DCHS2: variants seen among roughly 807,000 people sequenced by gnomAD.
DCHS2 encodes the protein dachsous cadherin-related 2.
A neutral mutation model predicts 182.4 loss-of-function variants in DCHS2; 142 were observed. The observed-to-expected ratio is 0.78, with a 90% CI of 0.68 to 0.89. DCHS2 has a LOEUF of 0.89. DCHS2 is among the 40% of genes least tolerant of loss of function. The pLI, the probability that DCHS2 is intolerant of heterozygous loss-of-function variation, is 0.00. For synonymous variants in DCHS2, 1,740 were observed against 1,663.3 expected (o/e 1.05, Z -1.12); for missense variants, 4,319 against 4,198.6 (o/e 1.03, Z -0.79).
In DCHS2 at chr4:154,235,501, C is replaced by T; in HGVS notation, c.9151G>A (p.Ala3051Thr). 1 of 1,614,090 alleles carries T rather than the reference C, an allele frequency of 6.2e-7. No homozygotes were observed. The highest frequency in any genetic ancestry group is 8.5e-7 in the Non-Finnish European group (1 of 1,179,980). The change falls in exon 20 of 20, where the codon GCC (alanine) becomes ACC (threonine). Residue 3051 changes from alanine to threonine, a missense_variant. Transcript: ENST00000357232. ...RVTRDASVLK[A>T]FQKTDDCSNE... Reference sequence around the variant, plus strand: ...CTGCAGTCGTCAGTTTTCTGGAAGGCTTTGAGCACACTGGCATCCCGGGTC... The same window carrying T: ...CTGCAGTCGTCAGTTTTCTGGAAGGTTTTGAGCACACTGGCATCCCGGGTC...
Position 154,491,686 on chromosome 4 carries a change from G to T in DCHS2, c.-331C>A, listed in dbSNP as rs937355227. On this transcript the variant is annotated 5_prime_UTR_variant, in exon 1 of 20. Transcript: ENST00000357232. ...TGTTCCTTGTTCTACTCGGCTGGTT[G>T]TTCCCCCCTGGTAAAGTCAGGTGCA... is the stretch of plus-strand genomic sequence containing the variant. 1.7e-5 allele frequency: 19 copies of T among 1,150,932 alleles called. No homozygotes were observed. In the African/African-American group the frequency reaches 3.0e-4, roughly 18 times the overall value. 71.3% of individuals were successfully genotyped at this position (1,150,932 alleles called of 1,614,324 possible).
intron 1 of DCHS2, among the ~76,000 whole-genome samples, chr4:154,464,183 A>C (rs148723244): frequency 6.6e-4 from 100 of 152,312 alleles, no homozygotes; most frequent in Non-Finnish European, 1.2e-3. Context: ...GGGACACTGA[A>C]TTCCTATAGA....
chr4:154,259,776 GAAA>G lies in DCHS2; in HGVS notation c.6578-23_6578-21del. 1 of 1,571,948 alleles carries G rather than the reference GAAA, an allele frequency of 6.4e-7. No homozygotes were observed. The highest frequency in any genetic ancestry group is 8.6e-7 in the Non-Finnish European group (1 of 1,165,612). ...GTTGTCCTATTTTTATTTCCAAGGAGAAAAAAAAGAAAATGATGTTGTAGTTAT... is the reference window on the plus strand; with the variant it reads ...GTTGTCCTATTTTTATTTCCAAGGAGAAAAAGAAAATGATGTTGTAGTTAT... On this transcript the variant is annotated intron_variant, in intron 14 of 19. Coordinates refer to ENST00000357232, the MANE Select transcript of DCHS2 (RefSeq NM_001358235.2).
rs1452113005 is a variant in DCHS2, at chr4:154,491,545, C to G, written c.-190G>C. 1 of 1,386,010 alleles carries G rather than the reference C, an allele frequency of 7.2e-7. No homozygotes were observed. The highest frequency in any genetic ancestry group is 9.3e-7 in the Non-Finnish European group (1 of 1,076,746). The allele number at this position is 1,386,010 out of a possible 1,614,324, so 85.9% of individuals were successfully genotyped here. On this transcript the variant is annotated 5_prime_UTR_variant, in exon 1 of 20. Transcript: ENST00000357232. ...GAAAGCGTCCTCTGCCTGCAGCTCA[C>G]GCAGACAGGGAAGTAAGCTCTAGCT...
chr4:154,461,278 C>G (rs897405191), intron 1 of DCHS2, among the ~76,000 whole-genome samples: 3 of 152,104 alleles, frequency 2.0e-5, no homozygotes, highest in Non-Finnish European at 2.9e-5. Context: ...TTCTGTTTTC[C>G]TTCAGTGTCC....
intron 1 of DCHS2, among the ~76,000 whole-genome samples, chr4:154,453,521 C>T (rs1036999328): frequency 3.3e-5 from 5 of 152,166 alleles, no homozygotes; most frequent in South Asian, 4.1e-4. Flanking sequence ...AGCCTCTCCT[C>T]GTCAATGCCT....
intron 10 of DCHS2, among the ~76,000 whole-genome samples, chr4:154,311,524 C>T (rs1032185826): frequency 1.3e-5 from 2 of 152,096 alleles, no homozygotes; most frequent in Admixed American, 6.5e-5. Context: ...CATGAGCCAC[C>T]GTGCCCAGCC....
At chr4:154,430,116 G>A (rs1299009477) in intron 1 of DCHS2, among the ~76,000 whole-genome samples, 1 of 152,190 alleles carries the variant, frequency 6.6e-6, no homozygotes, top group East Asian at 1.9e-4. Context: ...GGACCTAAGT[G>A]AAGAGGCAAG....
chr4:154,274,825 T>C (rs1395222702), intron 13 of DCHS2, among the ~76,000 whole-genome samples: 1 of 151,754 alleles, frequency 6.6e-6, no homozygotes, highest in African/African-American at 2.4e-5. Flanking sequence ...TTTAACTAAC[T>C]TTTTTTTCAA....
At chr4:154,437,730 C>A (rs1055371968) in intron 1 of DCHS2, among the ~76,000 whole-genome samples, 16 of 152,120 alleles carry the variant, frequency 1.1e-4, no homozygotes, top group South Asian at 2.1e-4. Flanking sequence ...TTCAACTTTT[C>A]TCTAAAATAA....
chr4:154,415,268 T>C (rs1337104750), intron 1 of DCHS2, among the ~76,000 whole-genome samples: 1 of 152,244 alleles, frequency 6.6e-6, no homozygotes, highest in African/African-American at 2.4e-5. Context: ...TCTCAAATAT[T>C]GATGAAACAT....
intron 1 of DCHS2, among the ~76,000 whole-genome samples, chr4:154,422,495 A>C (rs1169285518): frequency 6.6e-6 from 1 of 152,066 alleles, no homozygotes; most frequent in Non-Finnish European, 1.5e-5. Flanking sequence ...CTCCTTCTCT[A>C]TCAGAACCCT....
In DCHS2 at chr4:154,335,088, T is replaced by A; in HGVS notation, c.2493A>T (p.Thr831=). 2 of 1,607,260 alleles carry A rather than the reference T, an allele frequency of 1.2e-6. No individual in the cohort carries two copies. Among genetic ancestry groups the A allele is most frequent in the Non-Finnish European group, 1.7e-6 (2 of 1,173,806 alleles). ...TAGATTCCAAATGACTAAGAGGTAA[T>A]GTTAAGTAAATAATTCCTGGGTAGG... The part of the protein sequence containing the change: ...IDSTTGIIYL[T]LPLSHLESTT... The change falls in exon 4 of 20, where the codon ACA becomes ACT. Residue 831 remains threonine, a synonymous_variant. Coordinates refer to ENST00000357232, the MANE Select transcript of DCHS2 (RefSeq NM_001358235.2).
In DCHS2 at chr4:154,335,065, G is replaced by C. The variant is rs184875719; in HGVS notation, c.2516C>G (p.Ser839Cys). Reference protein sequence around the residue: ...YLTLPLSHLESTTLSLMVSAQ... With the variant: ...YLTLPLSHLECTTLSLMVSAQ... The stretch of plus-strand genomic sequence containing the variant: ...AGAGACCATCAACGAAAGTGTGGTA[G>C]ATTCCAAATGACTAAGAGGTAATGT... The change falls in exon 4 of 20, where the codon TCT (serine) becomes TGT (cysteine). Residue 839 changes from serine (S) to cysteine (C), a missense_variant. Physicochemically the swap from Ser to Cys is moderately radical, Grantham distance 112 (BLOSUM62 -1). Coordinates refer to ENST00000357232, the MANE Select transcript of DCHS2 (RefSeq NM_001358235.2). 7 of 1,613,190 alleles carry C rather than the reference G, an allele frequency of 4.3e-6. No homozygotes were observed. Among genetic ancestry groups the C allele is most frequent in the Non-Finnish European group, 5.1e-6 (6 of 1,179,122 alleles).
chr4:154,301,818 AGCAAAAAGGAACAT>A (rs1444369644), intron 12 of DCHS2, among the ~76,000 whole-genome samples: 1 of 152,210 alleles, frequency 6.6e-6, no homozygotes, highest in Non-Finnish European at 1.5e-5. Flanking sequence ...GCCTTATTTT[AGCAAAAAGGAACAT>A]GCATTCCGAG....
Position 154,233,779 on chromosome 4 carries a change from C to T in DCHS2, c.*757G>A, listed in dbSNP as rs914648545. 6.6e-6 allele frequency: 1 copy of T among 152,028 alleles called. No individual in the cohort carries two copies. Among genetic ancestry groups the T allele is most frequent in the Non-Finnish European group, 1.5e-5 (1 of 67,992 alleles). The allele number at this position is 152,028 out of a possible 1,614,324, so 9.4% of individuals were successfully genotyped here. A position where few individuals can be genotyped will look rare whatever the true frequency, so the allele number is the denominator to read the frequency against. ...TAATATGTTTCAGGTGGTAGCAAAC[C>T]ACATAAATATTGCGAGTATCAATCC... On this transcript the variant is annotated 3_prime_UTR_variant, in exon 20 of 20. Transcript: ENST00000357232.
At chr4:154,451,078 G>A (rs1017622243) in intron 1 of DCHS2, among the ~76,000 whole-genome samples, 45 of 152,134 alleles carry the variant, frequency 3.0e-4, no homozygotes, top group African/African-American at 1.0e-3. Flanking sequence ...AGTTTTCAGT[G>A]GGTCCTGAAC....
chr4:154,292,561 A>T (rs1033903979), intron 13 of DCHS2, among the ~76,000 whole-genome samples: 2 of 152,184 alleles, frequency 1.3e-5, no homozygotes, highest in Admixed American at 6.5e-5. Flanking sequence ...ACTTCAACAG[A>T]GCAAACTTAC....
intron 13 of DCHS2, among the ~76,000 whole-genome samples, chr4:154,288,436 T>G (rs957944749): frequency 6.6e-6 from 1 of 152,076 alleles, no homozygotes; most frequent in Non-Finnish European, 1.5e-5. Context: ...TTATTAGACC[T>G]AAAGAGAGAT....
Sources: allele counts gnomAD v4.1 joint callset (sites outside exome capture counted in the v4.1 genomes callset), GRCh38; gene constraint gnomAD v4.1.1; transcripts MANE v1.5; gene names NCBI Gene and HGNC (gene_info 2026-07-23, HGNC 2026-07-21).